Variants in EZR observed in about 807,000 individuals in gnomAD.
EZR encodes cytovillin 2.
EZR carries 40 observed loss-of-function variants against 74.8 expected under a neutral mutation model. That is an observed-to-expected ratio of 0.53 (90% CI 0.42 to 0.70). The LOEUF (loss-of-function observed/expected upper bound fraction) is 0.70, where lower values mean the gene tolerates loss of function less well. Ranked by LOEUF, EZR falls within the 30% of genes least tolerant of loss-of-function variation. The pLI is 0.00. For synonymous variants in EZR, 341 were observed against 283.3 expected (o/e 1.20, Z -2.05); for missense variants, 678 against 755.8 (o/e 0.90, Z 1.21).
chr6:158,807,963 G>C (rs974694016), intron 2 of EZR, among the ~76,000 whole-genome samples: 1 of 152,188 alleles, frequency 6.6e-6, no homozygotes, highest in Non-Finnish European at 1.5e-5. Flanking sequence ...CCATTCACTG[G>C]ATGTGACTGT....
chr6:158,772,859 C>T (rs981260173), intron 8 of EZR, among the ~76,000 whole-genome samples: 7 of 152,110 alleles, frequency 4.6e-5, no homozygotes, highest in African/African-American at 1.7e-4. Context: ...ACCGGCTGAG[C>T]GGGCTCATCA....
intron 2 of EZR, among the ~76,000 whole-genome samples, chr6:158,803,606 CATATATATATAT>C (rs60330512): frequency 0.11 from 3,922 of 35,932 alleles, 356 homozygotes; most frequent in Middle Eastern, 0.17. Flanking sequence ...TATATATATA[CATATATATATAT>C]ATATATACAT....
rs1279296895 is a variant in EZR, at chr6:158,766,321, A to C, written c.*593T>G. On this transcript the variant is annotated 3_prime_UTR_variant, in exon 14 of 14. Coordinates refer to ENST00000367075, the MANE Select transcript of EZR (RefSeq NM_001111077.2). ...AGCAAAAAAAAAAAAAACAAAAAAAAAAATCCAAGTGTCCTCCTCCACCAC... is the reference window on the plus strand; with the variant it reads ...AGCAAAAAAAAAAAAAACAAAAAAACAAATCCAAGTGTCCTCCTCCACCAC... 6 of 152,162 alleles carry C rather than the reference A, an allele frequency of 3.9e-5. No homozygotes were observed. The East Asian group carries it at 1.2e-3, about 29-fold the overall frequency. 9.4% of individuals were successfully genotyped at this position (152,162 alleles called of 1,614,324 possible).
chr6:158,778,610 C>T (rs959427144), intron 7 of EZR, among the ~76,000 whole-genome samples: 6 of 152,136 alleles, frequency 3.9e-5, no homozygotes, highest in Admixed American at 6.6e-5. Context: ...ATTAAAAAAG[C>T]GTGATTCTCC....
chr6:158,770,940 G>A (rs974681375), intron 9 of EZR, 46 bp from the exon 10 acceptor site: 1 of 1,613,676 alleles, frequency 6.2e-7, no homozygotes. Context: ...ACTCTGGCAG[G>A]AAAGTGAGGG....
intron 8 of EZR, among the ~76,000 whole-genome samples, chr6:158,774,638 T>C (rs933816823): frequency 1.3e-5 from 2 of 148,630 alleles, no homozygotes; most frequent in African/African-American, 2.5e-5. Flanking sequence ...TATGAAAATA[T>C]TCTTCAGCTT....
chr6:158,796,281 C>T (rs146681371), intron 2 of EZR, among the ~76,000 whole-genome samples: 1 of 152,256 alleles, frequency 6.6e-6, no homozygotes, highest in African/African-American at 2.4e-5. Flanking sequence ...CACTCCAATG[C>T]AACCGACATG....
At chr6:158,771,473 CTTCA>C (rs1269673818) in intron 8 of EZR, 66 bp from the exon 9 acceptor site, 8 of 1,503,974 alleles carry the variant, frequency 5.3e-6, no homozygotes, top group Non-Finnish European at 7.1e-6. Flanking sequence ...CCAAACCATC[CTTCA>C]CAAAGGTCCA....
intron 2 of EZR, 41 bp downstream of exon 2, chr6:158,818,041 A>C: frequency 6.2e-7 from 1 of 1,602,694 alleles, no homozygotes; most frequent in Non-Finnish European, 8.5e-7. Flanking sequence ...TCTCCAATGA[A>C]GCCTCTCCCG....
At chr6:158,772,126 C>T (rs760091013) in intron 8 of EZR, among the ~76,000 whole-genome samples, 2 of 152,242 alleles carry the variant, frequency 1.3e-5, no homozygotes, top group Non-Finnish European at 2.9e-5. Context: ...TACAGGTACT[C>T]GCCGCAGTGG....
chr6:158,772,204 C>A lies in EZR; in HGVS notation c.796-797G>T, dbSNP rs1791132185. Among the ~76,000 whole-genome samples, 3 of 152,274 alleles carry A rather than the reference C, an allele frequency of 2.0e-5. No individual in the cohort carries two copies. In the South Asian group the frequency reaches 6.2e-4, roughly 31 times the overall value. On this transcript the variant is annotated intron_variant, in intron 8 of 13. Coordinates refer to ENST00000367075, the MANE Select transcript of EZR (RefSeq NM_001111077.2). ...CTATGAGGCCATCAGCTCCCAAGGG[C>A]AGGGGCCACACATTCACTCATCTCT... is the stretch of plus-strand genomic sequence containing the variant.
chr6:158,805,543 C>T (rs185960164), intron 2 of EZR, among the ~76,000 whole-genome samples: 40 of 152,190 alleles, frequency 2.6e-4, no homozygotes, highest in Admixed American at 2.2e-3. Context: ...TTTGAACTCA[C>T]CCCAGTCTTT....
At position 158,785,446 on chromosome 6, in the gene EZR, G is replaced by A; in HGVS notation, c.330C>T (p.Ile110=). The part of the protein sequence containing the change: ...KLFFLQVKEG[I]LSDEIYCPPE... ...GGGGGCAGTAGATCTCATCGCTAAGGATTCCTTCCTTCACTTGGAGGAAGA... is the reference window on the plus strand; with the variant it reads ...GGGGGCAGTAGATCTCATCGCTAAGAATTCCTTCCTTCACTTGGAGGAAGA... Residue 110 remains isoleucine (I), a synonymous_variant, in exon 5 of 14, where the codon ATC becomes ATT. Coordinates refer to ENST00000367075, the MANE Select transcript of EZR (RefSeq NM_001111077.2). 6.2e-7 allele frequency: 1 copy of A among 1,614,190 alleles called. No individual in the cohort carries two copies. Among genetic ancestry groups the A allele is most frequent in the South Asian group, 1.1e-5 (1 of 91,084 alleles).
intron 7 of EZR, among the ~76,000 whole-genome samples, chr6:158,780,132 G>A (rs529155096): frequency 4.7e-5 from 7 of 148,324 alleles, no homozygotes; most frequent in Non-Finnish European, 1.0e-4. Flanking sequence ...ACAGTGAGCT[G>A]AGAATGTGCC....
intron 2 of EZR, among the ~76,000 whole-genome samples, chr6:158,809,565 C>T (rs1041775051): frequency 1.3e-5 from 2 of 152,012 alleles, no homozygotes; most frequent in Non-Finnish European, 2.9e-5. Flanking sequence ...TCAGTAGTTT[C>T]TGAGTCCATG....
intron 8 of EZR, among the ~76,000 whole-genome samples, chr6:158,774,026 G>A (rs1276501912): frequency 6.6e-6 from 1 of 152,222 alleles, no homozygotes; most frequent in Non-Finnish European, 1.5e-5. Flanking sequence ...GTTGTTGGGT[G>A]AGAACTGGAC....
intron 8 of EZR, among the ~76,000 whole-genome samples, chr6:158,773,054 C>A (rs185330569): frequency 1.3e-5 from 2 of 152,204 alleles, no homozygotes; most frequent in East Asian, 3.9e-4. Context: ...TGGGAGCAAT[C>A]GGCATTTTTA....
chr6:158,789,219 A>G, intron 3 of EZR, 69 bp downstream of exon 3: 1 of 1,204,532 alleles, frequency 8.3e-7, no homozygotes, highest in Non-Finnish European at 1.2e-6. Context: ...TTCGCAAACA[A>G]AATAACTGAA....
At position 158,769,368 on chromosome 6, in the gene EZR, C is replaced by T. The variant is rs201052913; in HGVS notation, c.1302G>A (p.Ala434=). Residue 434 remains alanine (A), a synonymous_variant, in exon 12 of 14, where the codon GCG becomes GCA. Coordinates refer to ENST00000367075, the MANE Select transcript of EZR (RefSeq NM_001111077.2). The stretch of plus-strand genomic sequence containing the variant: ...CAACTTCATCCTCCTTGCGCCTCCG[C>T]GCCTCTTCCAGGAGGGCAATCTTGG... The part of the protein sequence containing the change: ...YTAKIALLEE[A]RRRKEDEVEE... 5.7e-5 allele frequency: 91 copies of T among 1,609,454 alleles called. No individual in the cohort carries two copies. Among genetic ancestry groups the T allele is most frequent in the Middle Eastern group, 1.6e-4 (1 of 6,084 alleles).
Sources: allele counts gnomAD v4.1 joint callset (sites outside exome capture counted in the v4.1 genomes callset), GRCh38; gene constraint gnomAD v4.1.1; transcripts MANE v1.5; gene names NCBI Gene and HGNC (gene_info 2026-07-23, HGNC 2026-07-21).